The following SNX13 variants were observed in gnomAD, a reference collection of about 807,000 sequenced individuals.
SNX13 encodes the protein sorting nexin 13.
A neutral mutation model predicts 133.6 loss-of-function variants in SNX13; 45 were observed. That is an observed-to-expected ratio of 0.34 (90% CI 0.27 to 0.43). The LOEUF (loss-of-function observed/expected upper bound fraction) is 0.43. SNX13 is among the 20% of genes least tolerant of loss of function. SNX13 has a pLI of 1.00. For synonymous variants in SNX13, 414 were observed against 373.9 expected, an observed-to-expected ratio of 1.11 and a Z score of -1.24; for missense variants, 1,032 against 1,145.1, an observed-to-expected ratio of 0.90 and a Z score of 1.43.
chr7:17,835,597 G>C (rs942326942), intron 13 of SNX13, among the ~76,000 whole-genome samples: 1 of 151,946 alleles, frequency 6.6e-6, no homozygotes, highest in Admixed American at 6.6e-5. Context: ...ATCAACTTTT[G>C]CATTTTCAGT....
chr7:17,865,754 G>A (rs1211412465), intron 9 of SNX13, among the ~76,000 whole-genome samples: 8 of 152,108 alleles, frequency 5.3e-5, no homozygotes, highest in Non-Finnish European at 1.2e-4. Context: ...CAGAGCTACA[G>A]TAACCAAAAC....
At chr7:17,891,318 AC>A (rs1583648618) in intron 4 of SNX13, among the ~76,000 whole-genome samples, 1 of 152,188 alleles carries the variant, frequency 6.6e-6, no homozygotes, top group East Asian at 1.9e-4. Flanking sequence ...GTCAATAACA[AC>A]TTTTTTTCTA....
At chr7:17,866,120 CA>C (rs1793367685) in intron 9 of SNX13, among the ~76,000 whole-genome samples, 1 of 151,980 alleles carries the variant, frequency 6.6e-6, no homozygotes, top group South Asian at 2.1e-4. Context: ...CATAGGGAAC[CA>C]AAGCAAAAAT....
intron 22 of SNX13, among the ~76,000 whole-genome samples, chr7:17,800,500 C>G (rs1056555217): frequency 1.3e-5 from 2 of 151,730 alleles, no homozygotes; most frequent in Admixed American, 1.3e-4. Flanking sequence ...AAAAATCAAT[C>G]CCAGATGAAC....
chr7:17,924,814 C>G (rs1452964574), intron 1 of SNX13, among the ~76,000 whole-genome samples: 1 of 152,160 alleles, frequency 6.6e-6, no homozygotes, highest in Non-Finnish European at 1.5e-5. Context: ...AGTCCCATTA[C>G]ATGATACAAC....
chr7:17,875,690 C>T lies in SNX13; in HGVS notation c.541G>A (p.Glu181Lys), dbSNP rs200434812. The T allele has an allele frequency of 6.8e-5, 110 of 1,609,888 alleles. No individual in the cohort carries two copies. In the African/African-American group the frequency reaches 1.5e-3, roughly 21 times the overall value. ...VFRKAQQKITEKDDQVKGTAE... is the reference protein window; with the variant it reads ...VFRKAQQKITKKDDQVKGTAE... ...TTACCTTTCACTTGATCATCTTTCT[C>T]TGTTATTTTCTGTTGAGCCTTTCTG... is the stretch of plus-strand genomic sequence containing the variant. The change falls in exon 6 of 26, where the codon GAG becomes AAG. Residue 181 changes from glutamate to lysine, a missense_variant. Physicochemically the swap from Glu to Lys is moderately conservative, Grantham distance 56. Transcript: ENST00000428135.
chr7:17,891,616 C>T lies in SNX13; in HGVS notation c.248G>A (p.Arg83Gln), dbSNP rs775777457. Residue 83 changes from arginine (R) to glutamine (Q), a missense_variant, in exon 4 of 26, where the codon CGG (arginine) becomes CAG (glutamine). By Grantham distance (43) the Arg-to-Gln change is conservative. Transcript: ENST00000428135. ...ATCAATCTTAATAGTCCTGGCTTCC[C>T]GTTTCATTTCTTCTAAGCACTTAAA... ...GVPKCLEEMK[R>Q]EARTIKIDRR... 4 of 1,611,810 alleles carry T rather than the reference C, an allele frequency of 2.5e-6. No individual in the cohort carries two copies. The highest frequency in any genetic ancestry group is 4.5e-5 in the East Asian group (2 of 44,746).
At chr7:17,811,442 G>T (rs1055070399) in intron 20 of SNX13, among the ~76,000 whole-genome samples, 2 of 152,160 alleles carry the variant, frequency 1.3e-5, no homozygotes, top group African/African-American at 4.8e-5. Flanking sequence ...ACTTACAAGG[G>T]ATGCGAAGGA....
chr7:17,861,375 C>G (rs1297786276), intron 9 of SNX13, among the ~76,000 whole-genome samples: 2 of 150,616 alleles, frequency 1.3e-5, no homozygotes, highest in Non-Finnish European at 3.0e-5. Flanking sequence ...CACACACACA[C>G]ACACACAGTG....
Position 17,816,302 on chromosome 7 carries a change from A to G in SNX13, c.1846-13T>C. ...AGAGACTTTCAAACTGTAAGACAAA[A>G]TACATTCAATAGCACTTTTTATAAA... On this transcript the variant is annotated splice_polypyrimidine_tract_variant and intron_variant, in intron 18 of 25. Transcript: ENST00000428135. 1 of 1,530,278 alleles carries G rather than the reference A, an allele frequency of 6.5e-7. No homozygotes were observed. Among genetic ancestry groups the G allele is most frequent in the South Asian group, 1.2e-5 (1 of 81,468 alleles). The allele number at this position is 1,530,278 out of a possible 1,614,324, so 94.8% of individuals were successfully genotyped here.
At chr7:17,903,199 T>G (rs1188703672) in intron 1 of SNX13, among the ~76,000 whole-genome samples, 3 of 152,180 alleles carry the variant, frequency 2.0e-5, no homozygotes, top group Non-Finnish European at 2.9e-5. Flanking sequence ...CTTCTCAAAC[T>G]TTAAGGATAT....
chr7:17,797,784 C>G (rs547986766), intron 24 of SNX13, among the ~76,000 whole-genome samples: 1 of 151,766 alleles, frequency 6.6e-6, no homozygotes, highest in Non-Finnish European at 1.5e-5. Flanking sequence ...ATAAAATGAA[C>G]ATGCCAGGGC....
intron 1 of SNX13, among the ~76,000 whole-genome samples, chr7:17,901,345 C>T (rs1797814163): frequency 6.6e-6 from 1 of 152,096 alleles, no homozygotes; most frequent in Admixed American, 6.5e-5. Context: ...CTGGGTGGTG[C>T]GGTGGCTCCA....
intron 2 of SNX13, 149 bp downstream of exon 2, chr7:17,897,185 A>G (rs1475723901): frequency 1.2e-5 from 5 of 409,404 alleles, no homozygotes; most frequent in Non-Finnish European, 2.2e-5. Context: ...TTTTATTTTT[A>G]TGGGTATCCT....
chr7:17,874,517 A>C (rs1399232167), intron 7 of SNX13, among the ~76,000 whole-genome samples: 2 of 152,196 alleles, frequency 1.3e-5, no homozygotes, highest in Non-Finnish European at 2.9e-5. Context: ...AACAGTGCTA[A>C]TAAACTGGCC....
intron 9 of SNX13, among the ~76,000 whole-genome samples, chr7:17,867,759 T>C (rs961378278): frequency 6.6e-6 from 1 of 152,118 alleles, no homozygotes; most frequent in African/African-American, 2.4e-5. Context: ...ATCCCAGATT[T>C]AAGAAAATAA....
In SNX13 at chr7:17,801,587, C is replaced by T. The variant is rs1784651921; in HGVS notation, c.2298+1G>A. 1.2e-6 allele frequency: 2 copies of T among 1,604,046 alleles called. No homozygotes were observed. Among genetic ancestry groups the T allele is most frequent in the Non-Finnish European group, 1.7e-6 (2 of 1,175,014 alleles). ...TACTACCAAGAATAAAATTAACTCACATTATCGTCAAGTTGAGCCGAAACT... is the reference window on the plus strand; with the variant it reads ...TACTACCAAGAATAAAATTAACTCATATTATCGTCAAGTTGAGCCGAAACT... On this transcript the variant is annotated splice_donor_variant, in intron 22 of 25. Transcript: ENST00000428135. LOFTEE classifies it high-confidence loss of function.
intron 5 of SNX13, chr7:17,882,927 G>A: frequency 1.2e-6 from 1 of 847,748 alleles, no homozygotes; most frequent in Non-Finnish European, 1.6e-6. Context: ...CTCCAGCCTG[G>A]GCGACAGGGC....
At chr7:17,911,121 G>A (rs1273421227) in intron 1 of SNX13, among the ~76,000 whole-genome samples, 1 of 152,130 alleles carries the variant, frequency 6.6e-6, no homozygotes, top group Non-Finnish European at 1.5e-5. Context: ...ACAATTTCTA[G>A]ACCAGGTTCC....
Sources: allele counts gnomAD v4.1 joint callset (sites outside exome capture counted in the v4.1 genomes callset), GRCh38; gene constraint gnomAD v4.1.1; transcripts MANE v1.5; gene names NCBI Gene and HGNC (gene_info 2026-07-23, HGNC 2026-07-21).